The following RASGRF2 variants were observed in gnomAD, a reference collection of about 807,000 sequenced individuals.
The protein encoded by RASGRF2 is Ras protein specific guanine nucleotide releasing factor 2, also known as ras-specific guanine nucleotide-releasing factor 2.
Under a neutral mutation model 151.0 loss-of-function variants are expected in RASGRF2, and 76 were observed. The ratio of observed to expected loss-of-function variants is 0.50; its 90% CI spans 0.42 to 0.61. The LOEUF (loss-of-function observed/expected upper bound fraction) is 0.61. Among genes scored for constraint, RASGRF2 ranks in the 20% least tolerant of loss-of-function variants. The pLI, the probability that RASGRF2 is intolerant of heterozygous loss-of-function variation, is 0.00. For synonymous variants in RASGRF2, 504 were observed against 566.5 expected, an observed-to-expected ratio of 0.89 and a Z score of 1.57; for missense variants, 1,148 against 1,564.6, an observed-to-expected ratio of 0.73 and a Z score of 4.49.
Position 81,112,561 on chromosome 5 carries a change from G to A in RASGRF2, c.1839-49G>A, listed in dbSNP as rs58071944. ...ACGCTGAAATATTCAGTGGCCGAGG[G>A]GGAAGCCTCCTCCTGGTTTTACCAT... On this transcript the variant is annotated intron_variant, in intron 13 of 26. Transcript: ENST00000265080. The A allele has an allele frequency of 8.6e-3, 13,860 of 1,608,662 alleles. 1,013 individuals carry two copies. In the African/African-American group the frequency reaches 0.16, roughly 18 times the overall value.
At chr5:81,149,634 TA>T (rs542357119) in intron 17 of RASGRF2, among the ~76,000 whole-genome samples, 6,212 of 145,418 alleles carry the variant, frequency 0.043, 178 homozygotes, top group Middle Eastern at 0.067. Flanking sequence ...TTTTTACAAT[TA>T]AAAAAAAAAA....
At chr5:81,216,384 CAA>C (rs1561264577) in intron 24 of RASGRF2, among the ~76,000 whole-genome samples, 3 of 148,468 alleles carry the variant, frequency 2.0e-5, no homozygotes, top group Admixed American at 1.3e-4. Flanking sequence ...CACACACACA[CAA>C]ACACACACAC....
chr5:81,067,493 G>A (rs1046378982), intron 2 of RASGRF2, among the ~76,000 whole-genome samples: 19 of 152,188 alleles, frequency 1.2e-4, no homozygotes, highest in African/African-American at 4.6e-4. Flanking sequence ...TAGAAATAGA[G>A]TAGTCAATGA....
At chr5:81,057,649 G>A (rs1376740951) in intron 2 of RASGRF2, among the ~76,000 whole-genome samples, 1 of 152,086 alleles carries the variant, frequency 6.6e-6, no homozygotes, top group Non-Finnish European at 1.5e-5. Context: ...AGGGAAATTA[G>A]CATATTAATC....
chr5:81,118,375 G>A (rs1344115733), intron 15 of RASGRF2, among the ~76,000 whole-genome samples: 2 of 152,214 alleles, frequency 1.3e-5, no homozygotes, highest in Non-Finnish European at 2.9e-5. Context: ...GGTTTGCCTG[G>A]GCCACAGCTA....
intron 15 of RASGRF2, 108 bp from the exon 16 acceptor site, chr5:81,123,534 A>T: frequency 7.6e-7 from 1 of 1,308,114 alleles, no homozygotes; most frequent in Non-Finnish European, 1.0e-6. Context: ...AAAGCCCTTT[A>T]ATGAAATGCT....
intron 1 of RASGRF2, among the ~76,000 whole-genome samples, chr5:81,032,274 G>A (rs997757060): frequency 6.6e-6 from 1 of 152,108 alleles, no homozygotes; most frequent in Non-Finnish European, 1.5e-5. Flanking sequence ...GAAAAAGAGG[G>A]AATCCTCCCT....
At chr5:81,160,679 C>T (rs948921401) in intron 17 of RASGRF2, among the ~76,000 whole-genome samples, 2 of 101,868 alleles carry the variant, frequency 2.0e-5, no homozygotes, top group Non-Finnish European at 3.9e-5. Flanking sequence ...GACTCTGTCT[C>T]AAAAATAATA....
chr5:81,152,464 C>T (rs1229248228), intron 17 of RASGRF2, among the ~76,000 whole-genome samples: 2 of 152,172 alleles, frequency 1.3e-5, no homozygotes, highest in Admixed American at 6.5e-5. Context: ...CAAATTTAAG[C>T]TATCCCTTCT....
At chr5:81,090,320 T>C (rs1011972208) in intron 9 of RASGRF2, among the ~76,000 whole-genome samples, 2 of 152,246 alleles carry the variant, frequency 1.3e-5, no homozygotes, top group Non-Finnish European at 2.9e-5. Flanking sequence ...AGAAATTTTG[T>C]TGGAAGTTGA....
intron 13 of RASGRF2, among the ~76,000 whole-genome samples, chr5:81,111,454 A>G (rs1752990581): frequency 6.6e-6 from 1 of 152,224 alleles, no homozygotes; most frequent in African/African-American, 2.4e-5. Context: ...GGTAGGTGCT[A>G]TTCAGGGGAA....
intron 1 of RASGRF2, among the ~76,000 whole-genome samples, chr5:80,964,554 G>C (rs1008865091): frequency 6.6e-6 from 1 of 152,054 alleles, no homozygotes; most frequent in Non-Finnish European, 1.5e-5. Flanking sequence ...GATGATCAAA[G>C]TCCAGTTGAA....
chr5:81,058,622 T>C (rs925972078), intron 2 of RASGRF2, among the ~76,000 whole-genome samples: 11 of 151,846 alleles, frequency 7.2e-5, no homozygotes, highest in African/African-American at 2.7e-4. Flanking sequence ...CTGGGCAACA[T>C]AGTGAGACCT....
intron 1 of RASGRF2, among the ~76,000 whole-genome samples, chr5:81,020,742 C>T (rs971117099): frequency 1.3e-5 from 2 of 152,042 alleles, no homozygotes; most frequent in East Asian, 1.9e-4. Flanking sequence ...TCTGTAGGTG[C>T]GGAATGGCCC....
chr5:80,970,509 C>T (rs1747896351), intron 1 of RASGRF2, among the ~76,000 whole-genome samples: 1 of 151,946 alleles, frequency 6.6e-6, no homozygotes, highest in African/African-American at 2.4e-5. Flanking sequence ...TGTGTTTATC[C>T]CCGTTTGCCT....
At chr5:81,063,308 G>C (rs190924320) in intron 2 of RASGRF2, among the ~76,000 whole-genome samples, 1 of 151,944 alleles carries the variant, frequency 6.6e-6, no homozygotes, top group Non-Finnish European at 1.5e-5. Flanking sequence ...GTGCAGTGGC[G>C]TGATCTCGGC....
intron 1 of RASGRF2, among the ~76,000 whole-genome samples, chr5:80,970,000 T>G (rs1431872974): frequency 6.6e-6 from 1 of 151,746 alleles, no homozygotes; most frequent in African/African-American, 2.4e-5. Flanking sequence ...TAATTTTGTA[T>G]TTTTAGTAGA....
intron 18 of RASGRF2, among the ~76,000 whole-genome samples, chr5:81,195,030 C>T (rs2112701794): frequency 6.6e-6 from 1 of 152,308 alleles, no homozygotes; most frequent in South Asian, 2.1e-4. Context: ...AATTGGAAAA[C>T]AAAAACTAAA....
chr5:80,968,709 A>T (rs866538461), intron 1 of RASGRF2, among the ~76,000 whole-genome samples: 1 of 152,302 alleles, frequency 6.6e-6, no homozygotes, highest in South Asian at 2.1e-4. Context: ...ATTGAGACGG[A>T]GTCTTGCTCT....
Sources: gnomAD v4.1 joint callset for allele counts (sites outside exome capture counted in the v4.1 genomes callset) on GRCh38, gnomAD v4.1.1 for gene constraint, MANE v1.5 for transcripts, NCBI Gene and HGNC (gene_info 2026-07-23, HGNC 2026-07-21) for gene names.